Variants in FRMPD4 observed in about 807,000 individuals in gnomAD.
The protein encoded by FRMPD4 is FERM and PDZ domain containing 4.
A neutral mutation model predicts 94.1 loss-of-function variants in FRMPD4; 22 were observed. The observed-to-expected ratio is 0.23, with a 90% CI of 0.17 to 0.33. The LOEUF (loss-of-function observed/expected upper bound fraction) is 0.33. Ranked by LOEUF, FRMPD4 falls within the 10% of genes least tolerant of loss-of-function variation. The probability of loss-of-function intolerance (pLI) is 1.00; values close to 1 mark genes in which losing one functional copy is unlikely to be tolerated. For synonymous variants in FRMPD4, 631 were observed against 548.6 expected (o/e 1.15, Z -2.10); for missense variants, 1,111 against 1,339.9 (o/e 0.83, Z 2.67).
chrX:12,361,231 C>T (rs2055984536), intron 1 of FRMPD4, among the ~76,000 whole-genome samples: 1 of 112,443 alleles, frequency 8.9e-6, no homozygotes. Context: ...CTGAATCTAG[C>T]ATTTAAGGTA....
intron 1 of FRMPD4, among the ~76,000 whole-genome samples, chrX:11,843,258 T>C (rs181782550): frequency 8.9e-6 from 1 of 111,813 alleles, no homozygotes; most frequent in Non-Finnish European, 1.9e-5. Context: ...GGTTTGTAAT[T>C]TTTTGTGTAT....
chrX:12,001,959 A>G (rs764117943), intron 3 of FRMPD4, among the ~76,000 whole-genome samples: 11 of 111,856 alleles, frequency 9.8e-5, no homozygotes, highest in Non-Finnish European at 1.7e-4. Context: ...TCTGTGTGTA[A>G]TCAGAATCTA....
chrX:12,262,626 CAT>C (rs1313266778), intron 1 of FRMPD4, among the ~76,000 whole-genome samples: 2 of 112,051 alleles, frequency 1.8e-5, no homozygotes, highest in Admixed American at 1.9e-4. Context: ...AATAAGCACT[CAT>C]GTTACCTTTA....
intron 1 of FRMPD4, among the ~76,000 whole-genome samples, chrX:12,235,216 G>A (rs887992600): frequency 2.7e-5 from 3 of 111,998 alleles, no homozygotes; most frequent in Non-Finnish European, 5.6e-5. Flanking sequence ...TGAAAGCTGC[G>A]CGTCCCTTCT....
chrX:12,701,156 G>A (rs944260634), intron 9 of FRMPD4, among the ~76,000 whole-genome samples: 2 of 92,674 alleles, frequency 2.2e-5, no homozygotes, highest in Non-Finnish European at 4.1e-5. Flanking sequence ...CACTGCAGCC[G>A]CAAACTCTTG....
intron 1 of FRMPD4, among the ~76,000 whole-genome samples, chrX:12,259,440 A>T (rs762164381): frequency 9.0e-6 from 1 of 111,649 alleles, no homozygotes; most frequent in Non-Finnish European, 1.9e-5. Flanking sequence ...AATGCCAAGG[A>T]TTGCCAGCAA....
chrX:12,450,361 A>G (rs1160765445), intron 1 of FRMPD4, among the ~76,000 whole-genome samples: 1 of 111,703 alleles, frequency 9.0e-6, no homozygotes, highest in Non-Finnish European at 1.9e-5. Flanking sequence ...CTGCACAGTC[A>G]CCAAGGGAAC....
At chrX:12,695,544 A>G (rs1240554919) in intron 9 of FRMPD4, among the ~76,000 whole-genome samples, 1 of 110,285 alleles carries the variant, frequency 9.1e-6, no homozygotes, top group Non-Finnish European at 1.9e-5. Flanking sequence ...AGTTGGGATT[A>G]CAGGTGCCTG....
chrX:11,857,033 A>G (rs764531082), intron 1 of FRMPD4, among the ~76,000 whole-genome samples: 43 of 111,862 alleles, frequency 3.8e-4, no homozygotes, highest in Admixed American at 1.0e-3. Flanking sequence ...GAGAGCTACA[A>G]ATGACCGCTC....
chrX:12,408,931 C>G (rs768914223), intron 1 of FRMPD4, among the ~76,000 whole-genome samples: 3 of 110,960 alleles, frequency 2.7e-5, no homozygotes, highest in East Asian at 5.7e-4. Context: ...AATATCCCCC[C>G]CTTGGCTAGT....
At chrX:12,325,645 G>A (rs755960863) in intron 1 of FRMPD4, among the ~76,000 whole-genome samples, 2 of 112,459 alleles carry the variant, frequency 1.8e-5, no homozygotes, top group African/African-American at 3.2e-5. Context: ...TGGCTCACCA[G>A]TAACTTGCCA....
chrX:12,237,868 G>A (rs1026524844), intron 1 of FRMPD4, among the ~76,000 whole-genome samples: 5 of 112,360 alleles, frequency 4.4e-5, no homozygotes, highest in African/African-American at 9.7e-5. Flanking sequence ...TTTAAGAAGC[G>A]AAGCAACAAT....
intron 3 of FRMPD4, among the ~76,000 whole-genome samples, chrX:12,026,468 A>G (rs754586868): frequency 8.9e-6 from 1 of 111,797 alleles, no homozygotes; most frequent in Admixed American, 9.5e-5. Context: ...TTCTATGAGA[A>G]GAAGATCATA....
intron 2 of FRMPD4, among the ~76,000 whole-genome samples, chrX:12,606,014 G>A (rs1277018760): frequency 3.6e-5 from 4 of 112,460 alleles, no homozygotes; most frequent in Non-Finnish European, 7.5e-5. Flanking sequence ...TTGACTAAAT[G>A]AACAAATGAG....
At position 12,076,327 on chromosome X, in the gene FRMPD4, C is replaced by CGTGTGTGTGTGTGTGT. The variant is rs34558552; in HGVS notation, c.95+198324_95+198339dup. Among the ~76,000 whole-genome samples, 277 of 98,139 alleles carry CGTGTGTGTGTGTGTGT rather than the reference C, an allele frequency of 2.8e-3. 1 individual carries two copies. The highest frequency in any genetic ancestry group is 9.7e-3 in the African/African-American group (255 of 26,372). The allele number at this position is 98,139 out of a possible 115,157, so 85.2% of individuals were successfully genotyped here. A position where few individuals can be genotyped will look rare whatever the true frequency, so the allele number is the denominator to read the frequency against. On this transcript the variant is annotated intron_variant, in intron 3 of 18. Transcript: ENST00000640291. ...AACTGCAGCTTAAACCCTAGCAAAA[C>CGTGTGTGTGTGTGTGT]GTGTGTGTGTGTGTGTGTGTGTGTG...
At chrX:12,215,189 TC>T (rs1376463751) in intron 1 of FRMPD4, among the ~76,000 whole-genome samples, 1 of 111,735 alleles carries the variant, frequency 8.9e-6, no homozygotes, top group African/African-American at 3.3e-5. Context: ...TACTTTATGA[TC>T]CAAGGTTTTT....
At chrX:12,110,403 A>G (rs1051721042) in intron 3 of FRMPD4, among the ~76,000 whole-genome samples, 3 of 112,195 alleles carry the variant, frequency 2.7e-5, no homozygotes, top group African/African-American at 9.7e-5. Context: ...TAAATTAGGT[A>G]TTTCTGGGAC....
intron 3 of FRMPD4, among the ~76,000 whole-genome samples, chrX:12,022,942 T>C (rs1052538422): frequency 3.7e-4 from 41 of 110,948 alleles, no homozygotes; most frequent in African/African-American, 1.3e-3. Flanking sequence ...TCAAATCTCA[T>C]CTTGTTTTTT....
chrX:12,668,284 T>C (rs1276862915), intron 4 of FRMPD4, among the ~76,000 whole-genome samples: 1 of 111,077 alleles, frequency 9.0e-6, no homozygotes, highest in Non-Finnish European at 1.9e-5. Flanking sequence ...CAGGTTATAA[T>C]TACATAATTA....
Sources: allele counts gnomAD v4.1 joint callset (sites outside exome capture counted in the v4.1 genomes callset), GRCh38; gene constraint gnomAD v4.1.1; transcripts MANE v1.5; gene names NCBI Gene and HGNC (gene_info 2026-07-23, HGNC 2026-07-21).